The following JAZF1 variants were observed in gnomAD, a reference collection of about 807,000 sequenced individuals.
The protein encoded by JAZF1 is JAZF zinc finger 1.
Under a neutral mutation model 26.4 loss-of-function variants are expected in JAZF1, and 8 were observed. The observed-to-expected ratio is 0.30, with a 90% confidence interval of 0.18 to 0.55. The LOEUF is 0.55. Among genes scored for constraint, JAZF1 ranks in the 20% least tolerant of loss-of-function variants. The pLI is 0.94. For missense variants in JAZF1, 199 were observed against 322.0 expected (o/e 0.62, Z 2.92); for synonymous variants, 126 against 122.3 (o/e 1.03, Z -0.20).
chr7:28,131,809 A>G lies in JAZF1; in HGVS notation c.115+48654T>C, dbSNP rs796614938. Among the ~76,000 whole-genome samples, 45 of 152,332 alleles carry G rather than the reference A, an allele frequency of 3.0e-4. 1 individual carries two copies. Among genetic ancestry groups the G allele is most frequent in the African/African-American group, 1.1e-3 (45 of 41,586 alleles). On this transcript the variant is annotated intron_variant, in intron 1 of 4. Coordinates refer to ENST00000283928, the MANE Select transcript of JAZF1 (RefSeq NM_175061.4). ...ACTGGGCTGTTACTTTGCCATGGGC[A>G]TTTGTTCTCAAAAGTTTCTTCTGCT...
At chr7:28,100,918 A>G (rs1351267686) in intron 1 of JAZF1, among the ~76,000 whole-genome samples, 2 of 152,198 alleles carry the variant, frequency 1.3e-5, no homozygotes, top group Non-Finnish European at 2.9e-5. Context: ...AAAAAACAAA[A>G]CAAAACTTTA....
intron 1 of JAZF1, among the ~76,000 whole-genome samples, chr7:28,098,565 G>T (rs936477903): frequency 6.6e-6 from 1 of 151,818 alleles, no homozygotes; most frequent in African/African-American, 2.4e-5. Flanking sequence ...TTCTGGTTCA[G>T]AATGGAACAT....
chr7:27,958,684 G>C (rs6974886), intron 2 of JAZF1, among the ~76,000 whole-genome samples: 143,830 of 152,322 alleles, frequency 0.94, 68,024 homozygotes, highest in East Asian at 1. Context: ...TGTGACTTAC[G>C]TTTCCTCACC....
chr7:28,027,841 T>C (rs957929471), intron 1 of JAZF1, among the ~76,000 whole-genome samples: 5 of 152,218 alleles, frequency 3.3e-5, no homozygotes, highest in African/African-American at 1.2e-4. Context: ...AGGCTGGGAT[T>C]CAGCCCCGAT....
At chr7:28,073,079 A>T (rs1237927402) in intron 1 of JAZF1, among the ~76,000 whole-genome samples, 1 of 152,186 alleles carries the variant, frequency 6.6e-6, no homozygotes, top group Non-Finnish European at 1.5e-5. Flanking sequence ...GCAGTGGGCA[A>T]TGTGTGACCC....
At chr7:28,098,094 C>T (rs1490491033) in intron 1 of JAZF1, among the ~76,000 whole-genome samples, 3 of 152,018 alleles carry the variant, frequency 2.0e-5, no homozygotes, top group African/African-American at 4.8e-5. Context: ...ATCTGTAATC[C>T]GCAATGTGAT....
chr7:27,880,239 C>T (rs1783745501), intron 3 of JAZF1, among the ~76,000 whole-genome samples: 1 of 152,090 alleles, frequency 6.6e-6, no homozygotes, highest in Admixed American at 6.6e-5. Flanking sequence ...TGCCAAGAAA[C>T]ACATATTTGT....
intron 1 of JAZF1, among the ~76,000 whole-genome samples, chr7:28,105,128 GAC>G (rs892102370): frequency 2.6e-5 from 4 of 151,872 alleles, no homozygotes; most frequent in African/African-American, 9.7e-5. Flanking sequence ...TTTTTTTAGA[GAC>G]ACCAAACAGA....
intron 2 of JAZF1, among the ~76,000 whole-genome samples, chr7:27,956,989 G>A (rs1785106068): frequency 6.6e-6 from 1 of 152,206 alleles, no homozygotes; most frequent in Non-Finnish European, 1.5e-5. Context: ...GAAAAATGAA[G>A]TGTGGTACCT....
At chr7:27,979,896 T>C (rs1394756236) in intron 2 of JAZF1, among the ~76,000 whole-genome samples, 1 of 152,176 alleles carries the variant, frequency 6.6e-6, no homozygotes. Context: ...AATTCAGTGG[T>C]AGCCATCTAT....
At chr7:28,002,989 T>C (rs1220616788) in intron 1 of JAZF1, among the ~76,000 whole-genome samples, 1 of 152,096 alleles carries the variant, frequency 6.6e-6, no homozygotes, top group Non-Finnish European at 1.5e-5. Flanking sequence ...GGATCCCTGA[T>C]TGGGTGAAGC....
At chr7:27,833,243 A>T (rs920042129) in intron 4 of JAZF1, 2 of 219,108 alleles carry the variant, frequency 9.1e-6, no homozygotes, top group Non-Finnish European at 1.8e-5. Flanking sequence ...CCAATTTTAT[A>T]TAAAATATAT....
At chr7:28,079,657 A>G (rs1784105130) in intron 1 of JAZF1, among the ~76,000 whole-genome samples, 1 of 152,232 alleles carries the variant, frequency 6.6e-6, no homozygotes, top group Non-Finnish European at 1.5e-5. Context: ...TGATGAACTG[A>G]GTAGGAACTT....
chr7:28,098,504 G>A (rs1784419857), intron 1 of JAZF1, among the ~76,000 whole-genome samples: 1 of 151,872 alleles, frequency 6.6e-6, no homozygotes, highest in Non-Finnish European at 1.5e-5. Flanking sequence ...CCACCAAGAG[G>A]CATTACTAAA....
At chr7:27,893,388 C>T (rs1265660337) in intron 3 of JAZF1, among the ~76,000 whole-genome samples, 3 of 152,162 alleles carry the variant, frequency 2.0e-5, no homozygotes, top group Non-Finnish European at 2.9e-5. Context: ...TCTCTTTGCT[C>T]TTCGATTCAA....
intron 3 of JAZF1, among the ~76,000 whole-genome samples, chr7:27,844,926 A>G (rs1480694521): frequency 6.6e-6 from 1 of 152,232 alleles, no homozygotes; most frequent in African/African-American, 2.4e-5. Context: ...AACACCTGTC[A>G]TTAAGTAGAG....
chr7:27,946,517 C>A (rs1013918353), intron 2 of JAZF1, among the ~76,000 whole-genome samples: 7 of 152,184 alleles, frequency 4.6e-5, no homozygotes, highest in Non-Finnish European at 1.0e-4. Flanking sequence ...CAATGACCAA[C>A]TGATTTTCCT....
chr7:28,101,470 G>A (rs1784470260), intron 1 of JAZF1, among the ~76,000 whole-genome samples: 1 of 151,840 alleles, frequency 6.6e-6, no homozygotes, highest in Admixed American at 6.6e-5. Context: ...CAGTCATGGT[G>A]GCTCATGCCT....
At chr7:27,972,112 G>A (rs562110976) in intron 2 of JAZF1, among the ~76,000 whole-genome samples, 2 of 152,272 alleles carry the variant, frequency 1.3e-5, no homozygotes, top group Non-Finnish European at 2.9e-5. Flanking sequence ...ATGGAGCCCA[G>A]ATTCCTTAGG....
Sources: gnomAD v4.1 joint callset for allele counts (sites outside exome capture counted in the v4.1 genomes callset) on GRCh38, gnomAD v4.1.1 for gene constraint, MANE v1.5 for transcripts, NCBI Gene and HGNC (gene_info 2026-07-23, HGNC 2026-07-21) for gene names.